Variants in SVIL observed in about 807,000 individuals in gnomAD.
SVIL encodes supervillin, also known as archvillin.
In SVIL, 101 loss-of-function variants were observed where a neutral mutation model predicts 240.4. That is an observed-to-expected ratio of 0.42 (90% CI 0.36 to 0.50). The LOEUF (loss-of-function observed/expected upper bound fraction) is 0.50. SVIL is among the 20% of genes least tolerant of loss of function. The probability of loss-of-function intolerance (pLI) is 0.01; values close to 1 mark genes in which losing one functional copy is unlikely to be tolerated. For synonymous variants in SVIL, 999 were observed against 1,100.0 expected, an observed-to-expected ratio of 0.91 and a Z score of 1.82; for missense variants, 2,512 against 2,818.7, an observed-to-expected ratio of 0.89 and a Z score of 2.46.
At chr10:29,497,676 A>T (rs560996266) in intron 18 of SVIL, among the ~76,000 whole-genome samples, 27 of 152,328 alleles carry the variant, frequency 1.8e-4, no homozygotes, top group African/African-American at 5.1e-4. Flanking sequence ...ATCAGGTTTG[A>T]TGGAGAAGGA....
intron 1 of SVIL, among the ~76,000 whole-genome samples, chr10:29,582,731 CTAATAATAA>C (rs61441935): frequency 0.12 from 16,937 of 142,696 alleles, 1,182 homozygotes; most frequent in Non-Finnish European, 0.15. Context: ...GACCCTGTCT[CTAATAATAA>C]TAATAATAAT....
At position 29,552,400 on chromosome 10, in the gene SVIL, T is replaced by C. The variant is rs571217683; in HGVS notation, c.161-1137A>G. Among the ~76,000 whole-genome samples, 437 of 151,780 alleles carry C rather than the reference T, an allele frequency of 2.9e-3. 3 individuals carry two copies. The highest frequency in any genetic ancestry group is 0.01 in the African/African-American group (418 of 41,388). On this transcript the variant is annotated intron_variant, in intron 5 of 37. Coordinates refer to ENST00000355867, the MANE Select transcript of SVIL (RefSeq NM_021738.3). ...CAACACGGTGTAACCCCGTCTCTAC[T>C]AAAAATGCAAAAATTAGCCAGGCAT... is the stretch of plus-strand genomic sequence containing the variant.
At chr10:29,542,728 G>A (rs755538693) in intron 6 of SVIL, among the ~76,000 whole-genome samples, 1 of 152,078 alleles carries the variant, frequency 6.6e-6, no homozygotes, top group African/African-American at 2.4e-5. Flanking sequence ...GACTATAGTC[G>A]CCCTGTTGTG....
At chr10:29,559,138 C>A (rs1196618044) in intron 3 of SVIL, among the ~76,000 whole-genome samples, 1 of 151,822 alleles carries the variant, frequency 6.6e-6, no homozygotes, top group Non-Finnish European at 1.5e-5. Flanking sequence ...ATTTATAAAG[C>A]CTACCTACAG....
upstream of SVIL, among the ~76,000 whole-genome samples, chr10:29,639,714 G>A (rs2505912): frequency 0.46 from 69,631 of 151,724 alleles, 16,250 homozygotes; most frequent in African/African-American, 0.54. Context: ...TGATCTGCCC[G>A]CCTTGGCCTC....
chr10:29,595,876 G>C (rs751628648), intron 1 of SVIL, among the ~76,000 whole-genome samples: 3 of 152,214 alleles, frequency 2.0e-5, no homozygotes, highest in Non-Finnish European at 2.9e-5. Flanking sequence ...AACAGTAGCT[G>C]CTCTGCCTGC....
In SVIL at chr10:29,512,792, G is replaced by A. The variant is rs1949935664; in HGVS notation, c.3459C>T (p.Gly1153=). 2 of 1,613,494 alleles carry A rather than the reference G, an allele frequency of 1.2e-6. No homozygotes were observed. The highest frequency in any genetic ancestry group is 2.2e-5 in the East Asian group (1 of 44,886). ...TGTGCAGGCTGCTGGCCGGCGCCTT[G>A]CCGCCCTCCTGCCTCCTGCTGAGTC... ...RNRLSRRQEG[G]KAPASSLHTQ... Residue 1153 remains glycine, a synonymous_variant, in exon 17 of 38, where the codon GGC becomes GGT. Coordinates refer to ENST00000355867, the MANE Select transcript of SVIL (RefSeq NM_021738.3).
At chr10:29,547,850 T>A (rs959304198) in intron 6 of SVIL, among the ~76,000 whole-genome samples, 1 of 152,224 alleles carries the variant, frequency 6.6e-6, no homozygotes, top group Non-Finnish European at 1.5e-5. Flanking sequence ...TAATTATATA[T>A]CTCTGATATT....
At chr10:29,614,664 G>A (rs1035630989) in intron 1 of SVIL, among the ~76,000 whole-genome samples, 5 of 152,176 alleles carry the variant, frequency 3.3e-5, no homozygotes, top group African/African-American at 1.2e-4. Context: ...CCTGTCAGAG[G>A]ATGGGGGCAT....
intron 1 of SVIL, among the ~76,000 whole-genome samples, chr10:29,620,126 T>C (rs574665635): frequency 3.3e-5 from 5 of 152,306 alleles, no homozygotes; most frequent in Admixed American, 3.3e-4. Context: ...AGACATATTA[T>C]GTATATACTA....
chr10:29,695,515 G>A (rs996816383), intron 1 of SVIL, among the ~76,000 whole-genome samples: 1 of 152,112 alleles, frequency 6.6e-6, no homozygotes, highest in Non-Finnish European at 1.5e-5. Flanking sequence ...GGAGGTCAAG[G>A]TGGGTGGATC....
chr10:29,538,587 A>T (rs902158662), intron 6 of SVIL, among the ~76,000 whole-genome samples: 2 of 152,224 alleles, frequency 1.3e-5, no homozygotes, highest in Non-Finnish European at 2.9e-5. Context: ...TCGCAGAGGC[A>T]GTGAGCCGCC....
chr10:29,495,248 T>A, intron 18 of SVIL, 67 bp from the exon 19 acceptor site: 1 of 787,148 alleles, frequency 1.3e-6, no homozygotes, highest in Non-Finnish European at 1.9e-6. Flanking sequence ...GGGACCCTGG[T>A]GGATCTCCAG....
upstream of SVIL, among the ~76,000 whole-genome samples, chr10:29,635,925 G>A (rs187604418): frequency 9.7e-4 from 147 of 152,206 alleles, no homozygotes; most frequent in South Asian, 0.012. Flanking sequence ...CAGCTGCTTC[G>A]GCCAGCACAG....
At chr10:29,576,245 C>T (rs1955689885) in intron 1 of SVIL, 1 of 373,590 alleles carries the variant, frequency 2.7e-6, no homozygotes, top group South Asian at 1.1e-4. Context: ...TACCCTTGTG[C>T]ACTCTTCTTC....
chr10:29,617,755 G>A (rs1213685127), intron 1 of SVIL, among the ~76,000 whole-genome samples: 1 of 152,124 alleles, frequency 6.6e-6, no homozygotes, highest in Non-Finnish European at 1.5e-5. Context: ...ACTTGCTGGT[G>A]GACTCCAAGT....
chr10:29,548,700 T>C (rs1952925365), intron 6 of SVIL, among the ~76,000 whole-genome samples: 2 of 152,222 alleles, frequency 1.3e-5, no homozygotes, highest in African/African-American at 4.8e-5. Flanking sequence ...ATTGCAGTCA[T>C]ACTTCTGTGC....
chr10:29,620,932 A>T (rs527704141), intron 1 of SVIL, among the ~76,000 whole-genome samples: 87 of 151,646 alleles, frequency 5.7e-4, no homozygotes, highest in Non-Finnish European at 1.0e-3. Context: ...CTGACTTTTT[A>T]AATAAACTTT....
chr10:29,640,141 C>A (rs1217548124), intron 3 of SVIL, among the ~76,000 whole-genome samples: 1 of 152,130 alleles, frequency 6.6e-6, no homozygotes, highest in Non-Finnish European at 1.5e-5. Flanking sequence ...GAACCACTGT[C>A]TCCTCTCCCC....
Sources: gnomAD v4.1 joint callset for allele counts (sites outside exome capture counted in the v4.1 genomes callset) on GRCh38, gnomAD v4.1.1 for gene constraint, MANE v1.5 for transcripts, NCBI Gene and HGNC (gene_info 2026-07-23, HGNC 2026-07-21) for gene names.